Variants in ALMS1 observed in about 807,000 individuals in gnomAD.
The protein encoded by ALMS1 is ALMS1 centrosome and basal body associated protein.
A neutral mutation model predicts 352.2 loss-of-function variants in ALMS1; 271 were observed. The observed-to-expected ratio is 0.77, with a 90% confidence interval of 0.70 to 0.85. The LOEUF is 0.85. Among genes scored for constraint, ALMS1 ranks in the 40% least tolerant of loss-of-function variants. The pLI is 0.00. For synonymous variants in ALMS1, 1,865 were observed against 1,761.2 expected, an observed-to-expected ratio of 1.06 and a Z score of -1.48; for missense variants, 5,445 against 4,870.7, an observed-to-expected ratio of 1.12 and a Z score of -3.51.
chr2:73,557,235 T>G lies in ALMS1; in HGVS notation c.10094T>G (p.Val3365Gly). ...GTTATTCCAGATGCCTCAGTTCAAGTGCTAATCACTGGGGATGAGAACCTC... is the reference window on the plus strand; with the variant it reads ...GTTATTCCAGATGCCTCAGTTCAAGGGCTAATCACTGGGGATGAGAACCTC... ...QNENADASVQ[V>G]LITGDENLSD... Residue 3365 changes from valine (V) to glycine (G), a missense_variant, in exon 14 of 23, where the codon GTG (valine) becomes GGG (glycine). By Grantham distance (109) the Val-to-Gly change is moderately radical (BLOSUM62 -3). Coordinates refer to ENST00000613296, the MANE Select transcript of ALMS1 (RefSeq NM_001378454.1). 6.2e-7 allele frequency: 1 copy of G among 1,614,122 alleles called. No individual in the cohort carries two copies. The highest frequency in any genetic ancestry group is 1.1e-5 in the South Asian group (1 of 91,084).
chr2:73,464,350 G>T (rs946789085), intron 9 of ALMS1, among the ~76,000 whole-genome samples: 8 of 152,156 alleles, frequency 5.3e-5, no homozygotes, highest in African/African-American at 1.7e-4. Context: ...AAAACCACAT[G>T]ATTATCTCAA....
At chr2:73,569,544 C>T (rs1674875896) in intron 15 of ALMS1, among the ~76,000 whole-genome samples, 1 of 152,040 alleles carries the variant, frequency 6.6e-6, no homozygotes, top group South Asian at 2.1e-4. Context: ...AATTATGTTA[C>T]TCGCCTGTTC....
chr2:73,441,158 G>A (rs991121449), intron 7 of ALMS1, among the ~76,000 whole-genome samples: 2 of 152,198 alleles, frequency 1.3e-5, no homozygotes, highest in African/African-American at 4.8e-5. Context: ...GCATTCATGG[G>A]GGTAGAAAAT....
At chr2:73,424,127 G>A (rs978265438) in intron 4 of ALMS1, among the ~76,000 whole-genome samples, 4 of 152,092 alleles carry the variant, frequency 2.6e-5, no homozygotes, top group African/African-American at 4.8e-5. Context: ...AAAAGTTAAC[G>A]CAGGTTAAAT....
At chr2:73,412,329 G>A (rs536666940) in intron 2 of ALMS1, among the ~76,000 whole-genome samples, 63 of 152,210 alleles carry the variant, frequency 4.1e-4, no homozygotes, top group African/African-American at 1.5e-3. Context: ...AGAATAATAC[G>A]GTGTGTAGAC....
intron 13 of ALMS1, among the ~76,000 whole-genome samples, chr2:73,555,288 A>G (rs116318106): frequency 0.029 from 4,341 of 152,312 alleles, 78 homozygotes; most frequent in Non-Finnish European, 0.047. Flanking sequence ...ATGAAACAGA[A>G]TGGTGACCCA....
At position 73,550,562 on chromosome 2, in the gene ALMS1, T is replaced by C. The variant is rs1674408823; in HGVS notation, c.10078+125T>C. 6 of 1,274,212 alleles carry C rather than the reference T, an allele frequency of 4.7e-6. No individual in the cohort carries two copies. In the Admixed American group the frequency reaches 1.1e-4, roughly 23 times the overall value. 78.9% of individuals were successfully genotyped at this position (1,274,212 alleles called of 1,614,324 possible). On this transcript the variant is annotated intron_variant, in intron 13 of 22. Coordinates refer to ENST00000613296, the MANE Select transcript of ALMS1 (RefSeq NM_001378454.1). ...ACAAGCTTTTCTCCTTGCTGTTATA[T>C]TGAGCATATACAAGAAGGCAAAATT...
intron 16 of ALMS1, among the ~76,000 whole-genome samples, chr2:73,579,063 C>CTTTTTTTTTTTTTTTTTTTTTTTTTT (rs372240184): frequency 6.7e-5 from 8 of 119,148 alleles, no homozygotes; most frequent in African/African-American, 2.6e-4. Flanking sequence ...CTCCTTTATT[C>CTTTTTTTTTTTTTTTTTTTTTTTTTT]TTTTTTTATT....
rs1673998305 is a variant in ALMS1, at chr2:73,535,029, AG to A, written c.9907+81del. On this transcript the variant is annotated intron_variant, in intron 12 of 22. Coordinates refer to ENST00000613296, the MANE Select transcript of ALMS1 (RefSeq NM_001378454.1). ...GGCTAGTTGATTCTGGAGTGACAAA[AG>A]TCCAGTGCTCTTTAATTTTTCAGTG... The A allele has an allele frequency of 5.8e-6, 9 of 1,557,854 alleles. No homozygotes were observed. In the South Asian group the frequency reaches 1.0e-4, roughly 17 times the overall value.
At chr2:73,601,588 G>T (rs1314872952) in intron 19 of ALMS1, 152 bp downstream of exon 19, 3 of 1,290,842 alleles carry the variant, frequency 2.3e-6, no homozygotes, top group Non-Finnish European at 3.3e-6. Context: ...CACGCACGAG[G>T]GTTGGGTTTC....
intron 9 of ALMS1, among the ~76,000 whole-genome samples, chr2:73,466,439 A>G (rs1421899789): frequency 7.1e-6 from 1 of 140,256 alleles, no homozygotes; most frequent in Non-Finnish European, 1.5e-5. Context: ...AACAATGAGA[A>G]CACATGGACA....
intron 12 of ALMS1, among the ~76,000 whole-genome samples, chr2:73,549,444 C>G (rs1187814389): frequency 6.6e-6 from 1 of 152,070 alleles, no homozygotes; most frequent in Non-Finnish European, 1.5e-5. Context: ...AGCTTGGGAT[C>G]CCATGCACTG....
At chr2:73,603,733 G>C in intron 21 of ALMS1, 1 of 238,536 alleles carries the variant, frequency 4.2e-6, no homozygotes, top group Non-Finnish European at 8.2e-6. Context: ...GGAGGCACAC[G>C]CCTGTAATCC....
chr2:73,582,986 A>G (rs577303221), intron 16 of ALMS1, among the ~76,000 whole-genome samples: 3 of 151,618 alleles, frequency 2.0e-5, no homozygotes, highest in Non-Finnish European at 2.9e-5. Flanking sequence ...CCATTTTGCA[A>G]TGCCACCAAC....
At chr2:73,577,784 A>G (rs1416064829) in intron 16 of ALMS1, among the ~76,000 whole-genome samples, 2 of 152,118 alleles carry the variant, frequency 1.3e-5, no homozygotes, top group East Asian at 1.9e-4. Flanking sequence ...TATTATTTCA[A>G]TCCTTCATTT....
At position 73,491,294 on chromosome 2, in the gene ALMS1, A is replaced by G; in HGVS notation, c.9335A>G (p.Glu3112Gly). The G allele has an allele frequency of 3.7e-6, 6 of 1,614,194 alleles. No individual in the cohort carries two copies. The highest frequency in any genetic ancestry group is 5.1e-6 in the Non-Finnish European group (6 of 1,180,028). ...AGTAAACCTGTAGCACAGGATCAAGAATCTTTAGGTTTTCTAGGACCTAAA... is the reference window on the plus strand; with the variant it reads ...AGTAAACCTGTAGCACAGGATCAAGGATCTTTAGGTTTTCTAGGACCTAAA... ...LTSKPVAQDQ[E>G]SLGFLGPKSS... The change falls in exon 10 of 23, where the codon GAA (glutamate) becomes GGA (glycine). Residue 3112 changes from glutamate (E) to glycine (G), a missense_variant. Coordinates refer to ENST00000613296, the MANE Select transcript of ALMS1 (RefSeq NM_001378454.1).
chr2:73,470,914 C>G (rs1381480508), intron 9 of ALMS1: 1 of 151,704 alleles, frequency 6.6e-6, no homozygotes, highest in Non-Finnish European at 1.5e-5. Context: ...TGTGGCCACA[C>G]CTGTGCTCTT....
chr2:73,506,304 GT>G (rs71384502), intron 10 of ALMS1, among the ~76,000 whole-genome samples: 1 of 152,170 alleles, frequency 6.6e-6, no homozygotes, highest in Admixed American at 6.5e-5. Flanking sequence ...CTTTAAAGTA[GT>G]TTTTTCTAAT....
chr2:73,515,612 G>A (rs78696110), intron 10 of ALMS1, among the ~76,000 whole-genome samples: 2 of 151,906 alleles, frequency 1.3e-5, no homozygotes, highest in Admixed American at 6.6e-5. Flanking sequence ...ATTGAGATGC[G>A]AAAATCCATA....
Sources: gnomAD v4.1 joint callset for allele counts (sites outside exome capture counted in the v4.1 genomes callset) on GRCh38, gnomAD v4.1.1 for gene constraint, MANE v1.5 for transcripts, NCBI Gene and HGNC (gene_info 2026-07-23, HGNC 2026-07-21) for gene names.